The following CDON variants were observed in gnomAD, a reference collection of about 807,000 sequenced individuals.
CDON encodes the protein cell adhesion associated, oncogene regulated, also known as cell adhesion molecule-related/down-regulated by oncogenes.
Under a neutral mutation model 120.9 loss-of-function variants are expected in CDON, and 73 were observed. The observed-to-expected ratio is 0.60, with a 90% CI of 0.50 to 0.73. The LOEUF (loss-of-function observed/expected upper bound fraction) is 0.73. Ranked by LOEUF, CDON falls within the 30% of genes least tolerant of loss-of-function variation. The probability of loss-of-function intolerance (pLI) is 0.00; values close to 1 mark genes in which losing one functional copy is unlikely to be tolerated. For synonymous variants in CDON, 566 were observed against 573.5 expected, an observed-to-expected ratio of 0.99 and a Z score of 0.19; for missense variants, 1,470 against 1,587.3, an observed-to-expected ratio of 0.93 and a Z score of 1.26.
Position 125,958,372 on chromosome 11 carries a change from G to GCA in CDON, c.*2568_*2569dup. The GCA allele has an allele frequency of 6.6e-6, 1 of 152,164 alleles. No individual in the cohort carries two copies. Among genetic ancestry groups the GCA allele is most frequent in the East Asian group, 1.9e-4 (1 of 5,178 alleles). 9.4% of individuals were successfully genotyped at this position (152,164 alleles called of 1,614,324 possible). A position where few individuals can be genotyped will look rare whatever the true frequency, so the allele number is the denominator to read the frequency against. ...ATGAGTTAACAGTAACAAGCACCGA[G>GCA]CACAGTGCCTGGTACACAGTAGTTA... On this transcript the variant is annotated 3_prime_UTR_variant, in exon 20 of 20. Coordinates refer to ENST00000531738, the MANE Select transcript of CDON (RefSeq NM_001378964.1).
chr11:125,975,697 T>C (rs1264358330), intron 18 of CDON, among the ~76,000 whole-genome samples: 1 of 152,182 alleles, frequency 6.6e-6, no homozygotes, highest in Non-Finnish European at 1.5e-5. Flanking sequence ...GGTCTAAGAA[T>C]AGGAGTGGGA....
At chr11:126,058,607 T>C (rs189145407) in intron 1 of CDON, among the ~76,000 whole-genome samples, 36 of 152,308 alleles carry the variant, frequency 2.4e-4, no homozygotes, top group Admixed American at 2.2e-3. Context: ...AAACAAAATA[T>C]ATCAAATGAA....
rs200595011 is a variant in CDON at position 125,960,930 on chromosome 11, G to A, written c.*12C>T. ...GCTTGAAGTTGGAACATGACTGGTT[G>A]TTTGCATGTCCTCAGGTTTCCCGGG... On this transcript the variant is annotated 3_prime_UTR_variant, in exon 20 of 20. Transcript: ENST00000531738. 5,962 of 1,613,740 alleles carry A rather than the reference G, an allele frequency of 3.7e-3. 13 individuals carry two copies. The highest frequency in any genetic ancestry group is 4.6e-3 in the Non-Finnish European group (5,426 of 1,179,880).
chr11:126,057,960 T>C (rs1948717033), intron 1 of CDON, among the ~76,000 whole-genome samples: 1 of 152,202 alleles, frequency 6.6e-6, no homozygotes, highest in Non-Finnish European at 1.5e-5. Flanking sequence ...ATTTCTGTTA[T>C]TATACCCATT....
Position 126,017,472 on chromosome 11 carries a change from T to G in CDON, c.641-97A>C, listed in dbSNP as rs566746039. Reference sequence around the variant, plus strand: ...GGCATCACCATTTTCCCATGTATTCTTTATACTACAAGGTCCTATTTGGTG... The same window carrying G: ...GGCATCACCATTTTCCCATGTATTCGTTATACTACAAGGTCCTATTTGGTG... On this transcript the variant is annotated intron_variant, in intron 5 of 19. Coordinates refer to ENST00000531738, the MANE Select transcript of CDON (RefSeq NM_001378964.1). 3 of 1,176,924 alleles carry G rather than the reference T, an allele frequency of 2.5e-6. No individual in the cohort carries two copies. The African/African-American group carries it at 4.5e-5, about 18-fold the overall frequency. 72.9% of individuals were successfully genotyped at this position (1,176,924 alleles called of 1,614,324 possible). A position where few individuals can be genotyped will look rare whatever the true frequency, so the allele number is the denominator to read the frequency against.
At chr11:125,999,969 T>C (rs892052310) in intron 11 of CDON, among the ~76,000 whole-genome samples, 2 of 152,218 alleles carry the variant, frequency 1.3e-5, no homozygotes, top group African/African-American at 4.8e-5. Flanking sequence ...CTAGAAACTC[T>C]TTTGCTGTTT....
chr11:126,014,225 G>GA (rs1413458540), intron 7 of CDON, among the ~76,000 whole-genome samples: 1 of 151,706 alleles, frequency 6.6e-6, no homozygotes, highest in African/African-American at 2.4e-5. Context: ...AAATCAAGAA[G>GA]AAAAAAGACC....
intron 15 of CDON, 102 bp from the exon 16 acceptor site, chr11:125,984,195 G>T: frequency 1.3e-6 from 1 of 797,988 alleles, no homozygotes; most frequent in Non-Finnish European, 2.1e-6. Flanking sequence ...AAGCCAGTCT[G>T]TTTACTCTTG....
chr11:126,017,471 C>A (rs1034594316), intron 5 of CDON, 96 bp from the exon 6 acceptor site: 4 of 1,169,824 alleles, frequency 3.4e-6, no homozygotes, highest in Admixed American at 3.9e-5. Flanking sequence ...CCCATGTATT[C>A]TTTATACTAC....
intron 6 of CDON, among the ~76,000 whole-genome samples, chr11:126,016,421 A>G (rs1035673825): frequency 2.0e-5 from 3 of 152,074 alleles, no homozygotes; most frequent in Non-Finnish European, 4.4e-5. Context: ...AAATAGATTG[A>G]TTTCTTTTTG....
At chr11:126,043,463 G>T (rs1212787678) in intron 1 of CDON, among the ~76,000 whole-genome samples, 1 of 151,984 alleles carries the variant, frequency 6.6e-6, no homozygotes, top group African/African-American at 2.4e-5. Context: ...TGCTTTGCTG[G>T]GCGTTTTGTC....
At position 125,994,913 on chromosome 11, in the gene CDON, G is replaced by T. The variant is rs777758697; in HGVS notation, c.2502C>A (p.Tyr834Ter). Residue 834 changes from tyrosine (Y) to a stop codon, truncating the protein, a stop_gained, in exon 13 of 20, where the codon TAC becomes TAA. Coordinates refer to ENST00000531738, the MANE Select transcript of CDON (RefSeq NM_001378964.1). LOFTEE classifies it high-confidence loss of function. ...TCTGAGTATCGCTGACAGCCTCTGT[G>T]TATGCAATGTGAGGTCCAGTTATTG... ...SRPITGPHIA[Y>*]TEAVSDTQIM... is the part of the protein sequence containing the mutation. 3 of 1,613,994 alleles carry T rather than the reference G, an allele frequency of 1.9e-6. No homozygotes were observed. Among genetic ancestry groups the T allele is most frequent in the Non-Finnish European group, 2.5e-6 (3 of 1,179,974 alleles).
At chr11:125,980,963 T>C (rs1324183475) in intron 17 of CDON, 86 bp downstream of exon 17, 10 of 1,399,052 alleles carry the variant, frequency 7.1e-6, no homozygotes, top group African/African-American at 1.4e-5. Flanking sequence ...GTTTCTATAC[T>C]GAACAAAGCC....
intron 1 of CDON, among the ~76,000 whole-genome samples, chr11:126,040,165 C>T (rs893704376): frequency 2.6e-5 from 4 of 152,190 alleles, no homozygotes; most frequent in African/African-American, 9.7e-5. Context: ...TCTTTGGGAA[C>T]AGAGGGCCGG....
chr11:126,049,263 C>CT (rs1387780146), intron 1 of CDON, among the ~76,000 whole-genome samples: 2 of 152,150 alleles, frequency 1.3e-5, no homozygotes, highest in African/African-American at 4.8e-5. Context: ...CAAGCATCAT[C>CT]AATCATTAAG....
In CDON at chr11:125,997,262, T is replaced by C. The variant is rs2134543477; in HGVS notation, c.2307A>G (p.Ala769=). The C allele has an allele frequency of 6.2e-7, 1 of 1,614,164 alleles. No homozygotes were observed. The highest frequency in any genetic ancestry group is 8.5e-7 in the Non-Finnish European group (1 of 1,179,994). ...KRMRTSNWLV[A]AEDIPPSKLS... is the part of the protein sequence containing the mutation. Reference sequence around the variant, plus strand: ...GTTTGGAAGGAGGGATGTCTTCAGCTGCCACCAGCCAATTGCTGGTCCTCA... The same window carrying C: ...GTTTGGAAGGAGGGATGTCTTCAGCCGCCACCAGCCAATTGCTGGTCCTCA... Residue 769 remains alanine, a synonymous_variant, in exon 12 of 20, where the codon GCA becomes GCG. Coordinates refer to ENST00000531738, the MANE Select transcript of CDON (RefSeq NM_001378964.1).
chr11:126,045,840 C>T (rs993760079), intron 1 of CDON, among the ~76,000 whole-genome samples: 2 of 151,950 alleles, frequency 1.3e-5, no homozygotes, highest in African/African-American at 4.8e-5. Context: ...CGTGGTGGCA[C>T]ATGCCTGTAA....
intron 6 of CDON, among the ~76,000 whole-genome samples, chr11:126,015,789 T>C (rs928611574): frequency 8.5e-5 from 13 of 152,296 alleles, no homozygotes; most frequent in African/African-American, 2.6e-4. Flanking sequence ...TATATACAAA[T>C]AGTTTCTAAT....
At chr11:125,996,063 A>G (rs954356423) in intron 12 of CDON, among the ~76,000 whole-genome samples, 2 of 152,108 alleles carry the variant, frequency 1.3e-5, no homozygotes, top group African/African-American at 4.8e-5. Flanking sequence ...TGTCCACAAC[A>G]CTAAGCACTG....
Sources: allele counts gnomAD v4.1 joint callset (sites outside exome capture counted in the v4.1 genomes callset), GRCh38; gene constraint gnomAD v4.1.1; transcripts MANE v1.5; gene names NCBI Gene and HGNC (gene_info 2026-07-23, HGNC 2026-07-21).